The following PNLIPRP3 variants were observed in gnomAD, a reference collection of about 807,000 sequenced individuals.
The protein encoded by PNLIPRP3 is pancreatic lipase related protein 3, also known as pancreatic lipase-related protein 3.
PNLIPRP3 carries 58 observed loss-of-function variants against 52.8 expected under a neutral mutation model. The observed-to-expected ratio is 1.10, with a 90% CI of 0.89 to 1.37. The LOEUF (loss-of-function observed/expected upper bound fraction) is 1.37, where lower values mean the gene tolerates loss of function less well. Among genes scored for constraint, PNLIPRP3 ranks in the 40% most tolerant of loss-of-function variants. The probability of loss-of-function intolerance (pLI) is 0.00; values close to 1 mark genes in which losing one functional copy is unlikely to be tolerated. For synonymous variants in PNLIPRP3, 192 were observed against 185.0 expected (o/e 1.04, Z -0.31); for missense variants, 593 against 561.6 (o/e 1.06, Z -0.57).
chr10:116,448,281 G>A (rs1040507479), intron 4 of PNLIPRP3, among the ~76,000 whole-genome samples: 2 of 152,168 alleles, frequency 1.3e-5, no homozygotes, highest in Non-Finnish European at 2.9e-5. Context: ...CATGAAGCAT[G>A]TGATGTGAAC....
chr10:116,438,449 G>A (rs73381531), intron 2 of PNLIPRP3, among the ~76,000 whole-genome samples: 7,979 of 152,150 alleles, frequency 0.052, 586 homozygotes, highest in East Asian at 0.23. Context: ...CACTCCTACC[G>A]TACAAATATG....
chr10:116,455,862 T>G (rs540083995), intron 5 of PNLIPRP3, 32 bp downstream of exon 5: 1 of 1,510,088 alleles, frequency 6.6e-7, no homozygotes, highest in South Asian at 1.1e-5. Context: ...GCCTTGAGTG[T>G]GTTTAAATAT....
intron 4 of PNLIPRP3, 113 bp from the exon 5 acceptor site, chr10:116,455,609 T>C: frequency 5.4e-6 from 4 of 736,994 alleles, no homozygotes; most frequent in Non-Finnish European, 8.9e-6. Flanking sequence ...GTCCCTGTCT[T>C]ATGTGCAAAA....
At chr10:116,437,334 G>A (rs1845788820) in intron 2 of PNLIPRP3, among the ~76,000 whole-genome samples, 1 of 152,174 alleles carries the variant, frequency 6.6e-6, no homozygotes, top group Admixed American at 6.5e-5. Context: ...CTCACCTTGA[G>A]GTCAGGGATG....
At position 116,427,907 on chromosome 10, in the gene PNLIPRP3, T is replaced by G; in HGVS notation, c.-106T>G. On this transcript the variant is annotated 5_prime_UTR_variant, in exon 1 of 12. It adds an upstream start codon to the 5' untranslated region. Transcript: ENST00000369230. ...TCTTTTAAACGTAGAGTTTAAACATTGAGTTGCATCATTGTGAGGAAAACC... is the reference window on the plus strand; with the variant it reads ...TCTTTTAAACGTAGAGTTTAAACATGGAGTTGCATCATTGTGAGGAAAACC... The G allele has an allele frequency of 6.1e-6, 5 of 814,452 alleles. No individual in the cohort carries two copies. Among genetic ancestry groups the G allele is most frequent in the South Asian group, 1.5e-5 (1 of 67,650 alleles). The allele number at this position is 814,452 out of a possible 1,614,324, so 50.5% of individuals were successfully genotyped here. A position where few individuals can be genotyped will look rare whatever the true frequency, so the allele number is the denominator to read the frequency against.
At chr10:116,441,792 C>G (rs181687850) in intron 2 of PNLIPRP3, among the ~76,000 whole-genome samples, 115 of 152,230 alleles carry the variant, frequency 7.6e-4, no homozygotes, top group African/African-American at 2.7e-3. Flanking sequence ...CCCTCAGAGT[C>G]CCCTTTTCTA....
chr10:116,433,640 C>A (rs1845739523), intron 1 of PNLIPRP3, among the ~76,000 whole-genome samples: 1 of 152,138 alleles, frequency 6.6e-6, no homozygotes, highest in Admixed American at 6.5e-5. Flanking sequence ...TATACACATT[C>A]ATCTTTGACC....
intron 4 of PNLIPRP3, among the ~76,000 whole-genome samples, chr10:116,447,808 G>A (rs773946926): frequency 6.6e-6 from 1 of 151,842 alleles, no homozygotes; most frequent in Admixed American, 6.6e-5. Context: ...ATGGTGGCGC[G>A]CACCTGTAAT....
chr10:116,443,792 TGTGTGTGTGC>T (rs1474913696), intron 3 of PNLIPRP3, among the ~76,000 whole-genome samples: 1 of 10,056 alleles, frequency 9.9e-5, no homozygotes, highest in African/African-American at 1.3e-4. Context: ...TGTGTATGTA[TGTGTGTGTGC>T]ATATATATAT....
At chr10:116,440,632 A>T (rs1489672557) in intron 2 of PNLIPRP3, among the ~76,000 whole-genome samples, 1 of 152,190 alleles carries the variant, frequency 6.6e-6, no homozygotes, top group Non-Finnish European at 1.5e-5. Context: ...CTCTTCTCCA[A>T]GTGAGGAATT....
chr10:116,444,260 G>A (rs1388539857), intron 3 of PNLIPRP3, 122 bp from the exon 4 acceptor site: 3 of 800,220 alleles, frequency 3.7e-6, no homozygotes, highest in Non-Finnish European at 5.5e-6. Context: ...ATTTGGTCGG[G>A]GACACAAAGT....
At chr10:116,471,011 G>C (rs1339280090) in intron 9 of PNLIPRP3, among the ~76,000 whole-genome samples, 1 of 152,144 alleles carries the variant, frequency 6.6e-6, no homozygotes, top group Non-Finnish European at 1.5e-5. Context: ...GGGCGGAGAA[G>C]AGAAAGAAAA....
rs770861993 is a variant in PNLIPRP3 at position 116,443,033 on chromosome 10, A to G, written c.205-22A>G. 2.0e-6 allele frequency: 3 copies of G among 1,514,728 alleles called. No individual in the cohort carries two copies. In the African/African-American group the frequency reaches 4.2e-5, roughly 21 times the overall value. The allele number at this position is 1,514,728 out of a possible 1,614,324, so 93.8% of individuals were successfully genotyped here. A position where few individuals can be genotyped will look rare whatever the true frequency, so the allele number is the denominator to read the frequency against. On this transcript the variant is annotated intron_variant, in intron 2 of 11. Transcript: ENST00000369230. ...TAATTTTTAATTATTATTTTTCCTTAATCTCTTTCTGCTTGAAACAGGAGA... is the reference window on the plus strand; with the variant it reads ...TAATTTTTAATTATTATTTTTCCTTGATCTCTTTCTGCTTGAAACAGGAGA...
intron 9 of PNLIPRP3, among the ~76,000 whole-genome samples, chr10:116,470,514 AT>A (rs34751726): frequency 2.1e-5 from 3 of 142,450 alleles, no homozygotes; most frequent in Non-Finnish European, 3.0e-5. Flanking sequence ...TATATATATA[AT>A]TTTTTTTTTT....
chr10:116,428,306 A>C (rs1845665576), intron 1 of PNLIPRP3, among the ~76,000 whole-genome samples: 1 of 152,148 alleles, frequency 6.6e-6, no homozygotes. Flanking sequence ...AGTCTTATGA[A>C]CATAAAGAAG....
intron 10 of PNLIPRP3, among the ~76,000 whole-genome samples, chr10:116,473,410 T>C (rs1196479487): frequency 6.6e-6 from 1 of 152,210 alleles, no homozygotes; most frequent in Non-Finnish European, 1.5e-5. Context: ...GTATATAAGG[T>C]ATATTTTTAA....
rs982935835 is a variant in PNLIPRP3 at position 116,446,373 on chromosome 10, T to A, written c.456+1860T>A. ...AAAAAAAAAAAAAAAAAAAAAAAAA[T>A]AGTGGCAACAGTAGAGGAAGGGATG... On this transcript the variant is annotated intron_variant, in intron 4 of 11. Transcript: ENST00000369230. Among the ~76,000 whole-genome samples the A allele has an allele frequency of 5.6e-3, 626 of 112,430 alleles. 4 individuals are homozygous for A. Among genetic ancestry groups the A allele is most frequent in the Non-Finnish European group, 7.4e-3 (399 of 54,156 alleles). 73.8% of individuals were successfully genotyped at this position (112,430 alleles called of 152,430 possible).
chr10:116,446,758 A>G (rs1374325733), intron 4 of PNLIPRP3, among the ~76,000 whole-genome samples: 3 of 152,206 alleles, frequency 2.0e-5, no homozygotes, highest in African/African-American at 7.2e-5. Context: ...CTGGGTAAAT[A>G]TAAAACCAGC....
intron 2 of PNLIPRP3, among the ~76,000 whole-genome samples, chr10:116,442,375 A>G (rs1480207051): frequency 6.6e-6 from 1 of 152,128 alleles, no homozygotes; most frequent in African/African-American, 2.4e-5. Context: ...GACAACCTCC[A>G]TTTTGCCATG....
Sources: allele counts gnomAD v4.1 joint callset (sites outside exome capture counted in the v4.1 genomes callset), GRCh38; gene constraint gnomAD v4.1.1; transcripts MANE v1.5; gene names NCBI Gene and HGNC (gene_info 2026-07-23, HGNC 2026-07-21).